TRIM25: variants seen among roughly 807,000 people sequenced by gnomAD.
The protein encoded by TRIM25 is E3 ubiquitin/ISG15 ligase TRIM25.
A neutral mutation model predicts 65.2 loss-of-function variants in TRIM25; 45 were observed. The ratio of observed to expected loss-of-function variants is 0.69; its 90% CI spans 0.54 to 0.89. The LOEUF is 0.89. Ranked by LOEUF, TRIM25 falls within the 40% of genes least tolerant of loss-of-function variation. The pLI, the probability that TRIM25 is intolerant of heterozygous loss-of-function variation, is 0.00. For missense variants in TRIM25, 714 were observed against 803.7 expected (o/e 0.89, Z 1.35); for synonymous variants, 321 against 340.4 (o/e 0.94, Z 0.63).
Position 56,889,866 on chromosome 17 carries a change from A to G in TRIM25, c.*1834T>C. 1 of 398,630 alleles carries G rather than the reference A, an allele frequency of 2.5e-6. No individual in the cohort carries two copies. Among genetic ancestry groups the G allele is most frequent in the Non-Finnish European group, 4.4e-6 (1 of 226,068 alleles). The allele number at this position is 398,630 out of a possible 1,614,324, so 24.7% of individuals were successfully genotyped here. ...TCACCAAAGAACTTTTCTTCCAAGT[A>G]GTAAAGGAATAAAACTTCTAAGGAC... is the stretch of plus-strand genomic sequence containing the variant. On this transcript the variant is annotated 3_prime_UTR_variant, in exon 9 of 9. Transcript: ENST00000316881.
intron 3 of TRIM25, among the ~76,000 whole-genome samples, chr17:56,902,971 G>T (rs1909442726): frequency 1.3e-5 from 2 of 152,160 alleles, no homozygotes; most frequent in Non-Finnish European, 2.9e-5. Flanking sequence ...TGACATGCCT[G>T]CTCCCAGCTT....
rs1909110374 is a variant in TRIM25, at chr17:56,888,848, G to A, written c.*2852C>T. Reference sequence around the variant, plus strand: ...GGTCCCTGGGCAGTAGCCGTCTGTAGTGGGCGGCTCATCTGCTGACAACAG... The same window carrying A: ...GGTCCCTGGGCAGTAGCCGTCTGTAATGGGCGGCTCATCTGCTGACAACAG... On this transcript the variant is annotated 3_prime_UTR_variant, in exon 9 of 9. Transcript: ENST00000316881. 1 of 152,240 alleles carries A rather than the reference G, an allele frequency of 6.6e-6. No homozygotes were observed. The highest frequency in any genetic ancestry group is 6.5e-5 in the Admixed American group (1 of 15,282). The allele number at this position is 152,240 out of a possible 1,614,324, so 9.4% of individuals were successfully genotyped here. A position where few individuals can be genotyped will look rare whatever the true frequency, so the allele number is the denominator to read the frequency against.
chr17:56,892,770 C>G (rs1909208229), intron 8 of TRIM25, among the ~76,000 whole-genome samples: 1 of 152,204 alleles, frequency 6.6e-6, no homozygotes, highest in South Asian at 2.1e-4. Context: ...CTGACTGACA[C>G]CAGATTCTGG....
intron 1 of TRIM25, among the ~76,000 whole-genome samples, chr17:56,911,907 A>G (rs1013191765): frequency 6.6e-6 from 1 of 151,156 alleles, no homozygotes; most frequent in African/African-American, 2.4e-5. Flanking sequence ...GAAGAAAAAA[A>G]AAAGCCAAGT....
intron 8 of TRIM25, among the ~76,000 whole-genome samples, chr17:56,894,910 A>G (rs574857668): frequency 6.6e-6 from 1 of 152,300 alleles, no homozygotes; most frequent in African/African-American, 2.4e-5. Flanking sequence ...GGTGGGCGGG[A>G]CAGGGAGAAG....
chr17:56,896,000 A>G, intron 5 of TRIM25, 48 bp from the exon 6 acceptor site: 2 of 1,564,068 alleles, frequency 1.3e-6, no homozygotes, highest in Non-Finnish European at 1.7e-6. Flanking sequence ...GCACAACACA[A>G]TGACATTTTC....
At chr17:56,898,835 C>A (rs1021309285) in intron 5 of TRIM25, 2 of 373,906 alleles carry the variant, frequency 5.3e-6, no homozygotes, top group Non-Finnish European at 9.8e-6. Context: ...AGTCTCCTTG[C>A]CCAAGGCTCT....
rs1909125662 is a variant in TRIM25, at chr17:56,889,592, C to G, written c.*2108G>C. 1 of 395,576 alleles carries G rather than the reference C, an allele frequency of 2.5e-6. No individual in the cohort carries two copies. Among genetic ancestry groups the G allele is most frequent in the Non-Finnish European group, 4.4e-6 (1 of 224,848 alleles). The allele number at this position is 395,576 out of a possible 1,614,324, so 24.5% of individuals were successfully genotyped here. A position where few individuals can be genotyped will look rare whatever the true frequency, so the allele number is the denominator to read the frequency against. On this transcript the variant is annotated 3_prime_UTR_variant, in exon 9 of 9. Coordinates refer to ENST00000316881, the MANE Select transcript of TRIM25 (RefSeq NM_005082.5). ...TTGCACAGAGCTTGGCTTTGGTTAC[C>G]TACTTGACTCTCTTTTAAACAGAGG...
rs572629216 is a variant in TRIM25 at position 56,901,331 on chromosome 17, C to T, written c.1087+88G>A. The T allele has an allele frequency of 4.0e-5, 58 of 1,437,536 alleles. No homozygotes were observed. The African/African-American group carries it at 4.5e-4, about 11-fold the overall frequency. The allele number at this position is 1,437,536 out of a possible 1,614,324, so 89.0% of individuals were successfully genotyped here. On this transcript the variant is annotated intron_variant, in intron 4 of 8. Coordinates refer to ENST00000316881, the MANE Select transcript of TRIM25 (RefSeq NM_005082.5). ...ACTCAGGCCCCAGTGCTCGGGATCA[C>T]GCCCCAATCTCCCATCCCAAAACAT...
intron 8 of TRIM25, among the ~76,000 whole-genome samples, chr17:56,894,260 G>T (rs1035839597): frequency 1.3e-5 from 2 of 152,156 alleles, no homozygotes; most frequent in African/African-American, 2.4e-5. Context: ...TTGTTTGTTT[G>T]TTTTTTAAGA....
chr17:56,904,780 G>C (rs1212079207), intron 2 of TRIM25, among the ~76,000 whole-genome samples: 2 of 152,216 alleles, frequency 1.3e-5, no homozygotes, highest in Non-Finnish European at 2.9e-5. Context: ...CAAAAACCTG[G>C]AATCAACCTG....
intron 2 of TRIM25, among the ~76,000 whole-genome samples, chr17:56,908,123 T>C (rs1909555532): frequency 6.6e-6 from 1 of 152,230 alleles, no homozygotes; most frequent in Non-Finnish European, 1.5e-5. Context: ...ATGAAACTAA[T>C]ATACTTCCTT....
chr17:56,897,896 C>T (rs1320648392), intron 5 of TRIM25, among the ~76,000 whole-genome samples: 2 of 151,178 alleles, frequency 1.3e-5, no homozygotes, highest in Non-Finnish European at 3.0e-5. Flanking sequence ...GCTCCCTCCT[C>T]CATCTGCACC....
intron 2 of TRIM25, among the ~76,000 whole-genome samples, chr17:56,905,168 A>T (rs1909495222): frequency 6.6e-6 from 1 of 152,228 alleles, no homozygotes; most frequent in Non-Finnish European, 1.5e-5. Flanking sequence ...GATCAAGACC[A>T]TTCTGGCCAA....
intron 5 of TRIM25, among the ~76,000 whole-genome samples, chr17:56,896,160 A>G (rs115951305): frequency 2.0e-5 from 3 of 152,308 alleles, no homozygotes; most frequent in Admixed American, 2.0e-4. Flanking sequence ...ACTAATAAGG[A>G]GCATGAAGGA....
Position 56,890,462 on chromosome 17 carries a change from C to T in TRIM25, c.*1238G>A, listed in dbSNP as rs1328065262. The T allele has an allele frequency of 7.7e-6, 3 of 387,534 alleles. No individual in the cohort carries two copies. Among genetic ancestry groups the T allele is most frequent in the South Asian group, 5.6e-5 (3 of 53,534 alleles). The allele number at this position is 387,534 out of a possible 1,614,324, so 24.0% of individuals were successfully genotyped here. A position where few individuals can be genotyped will look rare whatever the true frequency, so the allele number is the denominator to read the frequency against. ...AGAAGGGGCTAGGGCCAGCCCCAGG[C>T]TCTGACTCACGCAAGGGCCAGTGCT... On this transcript the variant is annotated 3_prime_UTR_variant, in exon 9 of 9. Transcript: ENST00000316881.
intron 1 of TRIM25, among the ~76,000 whole-genome samples, chr17:56,910,983 A>C (rs1477207361): frequency 6.6e-6 from 1 of 152,270 alleles, no homozygotes; most frequent in East Asian, 1.9e-4. Context: ...AGCAGAGTTT[A>C]GGCCAGGCTC....
At position 56,913,796 on chromosome 17, in the gene TRIM25, T is replaced by G. The variant is rs200814834; in HGVS notation, c.193A>C (p.Lys65Gln). 37 of 1,559,712 alleles carry G rather than the reference T, an allele frequency of 2.4e-5. 1 individual carries two copies. In the East Asian group the frequency reaches 8.2e-4, roughly 35 times the overall value. The change falls in exon 1 of 9, where the codon AAG becomes CAG. Residue 65 changes from lysine (K) to glutamine (Q), a missense_variant. Physicochemically the swap from Lys to Gln is moderately conservative, Grantham distance 53 (BLOSUM62 1). Coordinates refer to ENST00000316881, the MANE Select transcript of TRIM25 (RefSeq NM_005082.5). The surrounding 1 kb of genome is among the most constrained non-coding windows in gnomAD (Gnocchi z 6.1). ...AVYQARPQLH[K>Q]NTVLCNVVEQ... is the part of the protein sequence containing the mutation. Reference sequence around the variant, plus strand: ...ACCACGTTGCACAGCACCGTGTTCTTGTGCAGCTGCGGTCGCGCCTGGTAG... The same window carrying G: ...ACCACGTTGCACAGCACCGTGTTCTGGTGCAGCTGCGGTCGCGCCTGGTAG...
rs972408157 is a variant in TRIM25, at chr17:56,891,568, C to A, written c.*132G>T. 1.2e-5 allele frequency: 10 copies of A among 851,636 alleles called. No individual in the cohort carries two copies. The highest frequency in any genetic ancestry group is 1.7e-5 in the African/African-American group (1 of 57,902). 52.8% of individuals were successfully genotyped at this position (851,636 alleles called of 1,614,324 possible). On this transcript the variant is annotated 3_prime_UTR_variant, in exon 9 of 9. Transcript: ENST00000316881. ...GGCTAAATCCCACCTCCCACCCTCC[C>A]GCCAGCTCCCCTCCCATGCTCCCAA...
Sources: gnomAD v4.1 joint callset for allele counts (sites outside exome capture counted in the v4.1 genomes callset) on GRCh38, gnomAD v4.1.1 for gene constraint, Gnocchi (gnomAD v3.1) non-coding constraint, MANE v1.5 for transcripts, NCBI Gene and HGNC (gene_info 2026-07-23, HGNC 2026-07-21) for gene names.